CAP2: variants seen among roughly 807,000 people sequenced by gnomAD.
CAP2 encodes the protein cyclase associated actin cytoskeleton regulatory protein 2, also known as adenylyl cyclase-associated protein 2.
CAP2 carries 24 observed loss-of-function variants against 57.7 expected under a neutral mutation model. The ratio of observed to expected loss-of-function variants is 0.42; its 90% CI spans 0.30 to 0.58. The LOEUF (loss-of-function observed/expected upper bound fraction) is 0.58. Among genes scored for constraint, CAP2 ranks in the 20% least tolerant of loss-of-function variants. The pLI is 0.22. For missense variants in CAP2, 501 were observed against 590.3 expected, an observed-to-expected ratio of 0.85 and a Z score of 1.57; for synonymous variants, 194 against 207.2, an observed-to-expected ratio of 0.94 and a Z score of 0.55.
chr6:17,422,927 T>G (rs577168516), intron 2 of CAP2, among the ~76,000 whole-genome samples: 4 of 152,288 alleles, frequency 2.6e-5, no homozygotes, highest in Admixed American at 2.6e-4. Flanking sequence ...GGTATAAGGA[T>G]GTCCCAAATA....
intron 1 of CAP2, among the ~76,000 whole-genome samples, chr6:17,400,825 A>G (rs983092338): frequency 6.6e-6 from 1 of 151,162 alleles, no homozygotes; most frequent in Admixed American, 6.6e-5. Flanking sequence ...AGATCGCGCC[A>G]TTGCATTCCA....
At chr6:17,418,585 C>T (rs1581500983) in intron 1 of CAP2, among the ~76,000 whole-genome samples, 1 of 152,196 alleles carries the variant, frequency 6.6e-6, no homozygotes, top group African/African-American at 2.4e-5. Flanking sequence ...TGTAACAGGC[C>T]TTCTCAAGAC....
At chr6:17,408,056 T>A (rs1759029381) in intron 1 of CAP2, among the ~76,000 whole-genome samples, 1 of 152,192 alleles carries the variant, frequency 6.6e-6, no homozygotes, top group African/African-American at 2.4e-5. Flanking sequence ...GCTGGTAAAT[T>A]TTGAGATTAC....
chr6:17,474,877 G>A (rs952202055), intron 4 of CAP2, among the ~76,000 whole-genome samples: 1 of 151,992 alleles, frequency 6.6e-6, no homozygotes, highest in Non-Finnish European at 1.5e-5. Flanking sequence ...CTCGGGTTCC[G>A]AGTCACTTGT....
At chr6:17,477,933 G>GT (rs1183587122) in intron 4 of CAP2, among the ~76,000 whole-genome samples, 1 of 150,354 alleles carries the variant, frequency 6.7e-6, no homozygotes, top group Admixed American at 6.6e-5. Flanking sequence ...CCTAAACAGA[G>GT]TTTTAACTTA....
At chr6:17,409,746 C>T (rs544148164) in intron 1 of CAP2, among the ~76,000 whole-genome samples, 10 of 152,210 alleles carry the variant, frequency 6.6e-5, no homozygotes, top group East Asian at 5.8e-4. Context: ...TGGGCACCTC[C>T]GCTCCCTAAC....
At chr6:17,429,815 T>C (rs1759681039) in intron 3 of CAP2, among the ~76,000 whole-genome samples, 1 of 152,244 alleles carries the variant, frequency 6.6e-6, no homozygotes. Flanking sequence ...TACAGGCAGC[T>C]ATAGTCCATC....
At chr6:17,434,410 G>T (rs1759820744) in intron 3 of CAP2, among the ~76,000 whole-genome samples, 1 of 151,906 alleles carries the variant, frequency 6.6e-6, no homozygotes, top group Non-Finnish European at 1.5e-5. Context: ...TGTGTTTTTA[G>T]TAGAGACGGG....
intron 7 of CAP2, among the ~76,000 whole-genome samples, chr6:17,537,836 C>T (rs1013008791): frequency 2.0e-5 from 3 of 151,976 alleles, no homozygotes; most frequent in East Asian, 1.9e-4. Flanking sequence ...GAGGCTGAGG[C>T]GGGTGGATAA....
intron 3 of CAP2, among the ~76,000 whole-genome samples, chr6:17,450,364 G>C (rs1020370978): frequency 6.6e-6 from 1 of 152,150 alleles, no homozygotes; most frequent in Non-Finnish European, 1.5e-5. Flanking sequence ...TTCTGCCTTT[G>C]ATCTATTTGA....
intron 11 of CAP2, among the ~76,000 whole-genome samples, chr6:17,548,658 G>A (rs539647240): frequency 1.2e-4 from 19 of 152,264 alleles, no homozygotes; most frequent in Non-Finnish European, 2.9e-5. Context: ...AAAACAAATG[G>A]ACAAGAATAG....
chr6:17,529,651 A>AAAAAAAAAAAAAAAT (rs10656588), intron 7 of CAP2, among the ~76,000 whole-genome samples: 4 of 134,538 alleles, frequency 3.0e-5, no homozygotes, highest in African/African-American at 8.8e-5. Context: ...AAAAAAAAAA[A>AAAAAAAAAAAAAAAT]ATATATATAT....
chr6:17,403,695 A>T (rs1758874016), intron 1 of CAP2, among the ~76,000 whole-genome samples: 1 of 152,204 alleles, frequency 6.6e-6, no homozygotes, highest in Admixed American at 6.5e-5. Flanking sequence ...AATAGGCTAA[A>T]GCATAAAATA....
chr6:17,439,690 C>T (rs1760015253), intron 3 of CAP2, among the ~76,000 whole-genome samples: 1 of 151,628 alleles, frequency 6.6e-6, no homozygotes, highest in Admixed American at 6.5e-5. Flanking sequence ...AACCTAGATC[C>T]CTCGCGTGCA....
At chr6:17,518,924 C>T (rs1762329415) in intron 7 of CAP2, among the ~76,000 whole-genome samples, 1 of 152,152 alleles carries the variant, frequency 6.6e-6, no homozygotes, top group African/African-American at 2.4e-5. Flanking sequence ...AGGCGTGAGC[C>T]ACCACATCCA....
At chr6:17,494,648 T>C (rs1413891044) in intron 4 of CAP2, among the ~76,000 whole-genome samples, 3 of 152,202 alleles carry the variant, frequency 2.0e-5, no homozygotes, top group Non-Finnish European at 4.4e-5. Flanking sequence ...AATTTAGTTA[T>C]TTATATAATT....
intron 7 of CAP2, among the ~76,000 whole-genome samples, chr6:17,515,553 C>T (rs544555281): frequency 6.6e-5 from 10 of 152,124 alleles, no homozygotes; most frequent in Non-Finnish European, 1.3e-4. Flanking sequence ...CCCCAAACCT[C>T]AGCATCATAC....
intron 1 of CAP2, among the ~76,000 whole-genome samples, chr6:17,414,413 T>A (rs1479006280): frequency 6.6e-6 from 1 of 152,106 alleles, no homozygotes; most frequent in Non-Finnish European, 1.5e-5. Context: ...TCAGTCCCCA[T>A]CCCCCAATAG....
At chr6:17,406,391 C>T (rs1366163309) in intron 1 of CAP2, among the ~76,000 whole-genome samples, 1 of 104,770 alleles carries the variant, frequency 9.5e-6, no homozygotes, top group Non-Finnish European at 1.9e-5. Context: ...TCAGTAAGCC[C>T]AGATTTCTTT....
Sources: allele counts gnomAD v4.1 joint callset (sites outside exome capture counted in the v4.1 genomes callset), GRCh38; gene constraint gnomAD v4.1.1; transcripts MANE v1.5; gene names NCBI Gene and HGNC (gene_info 2026-07-23, HGNC 2026-07-21).